Variants in PKD1L1 observed in about 807,000 individuals in gnomAD.
PKD1L1 encodes polycystin-1-like protein 1.
PKD1L1 carries 236 observed loss-of-function variants against 323.4 expected under a neutral mutation model. The observed-to-expected ratio is 0.73, with a 90% CI of 0.66 to 0.81. The LOEUF (loss-of-function observed/expected upper bound fraction) is 0.81. Among genes scored for constraint, PKD1L1 ranks in the 40% least tolerant of loss-of-function variants. The pLI is 0.00. For synonymous variants in PKD1L1, 1,344 were observed against 1,335.0 expected, an observed-to-expected ratio of 1.01 and a Z score of -0.15; for missense variants, 3,320 against 3,508.0, an observed-to-expected ratio of 0.95 and a Z score of 1.35.
intron 46 of PKD1L1, chr7:47,818,086 A>T (rs1287077594): frequency 7.3e-7 from 1 of 1,367,878 alleles, no homozygotes; most frequent in South Asian, 1.1e-5. Flanking sequence ...TCAAACTATC[A>T]AATGCAGAGC....
Position 47,808,294 on chromosome 7 carries a change from G to A in PKD1L1, c.7780C>T (p.Leu2594Phe). The stretch of plus-strand genomic sequence containing the variant: ...GTGAGGTCCATAAATGCTCGGCAAA[G>A]TCCTCTGTGAAACTGGTTAGTGACA... ...GDVTNQFHRG[L>F]CRAFMDLTLM... is the part of the protein sequence containing the mutation. Residue 2594 changes from leucine to phenylalanine, a missense_variant, in exon 52 of 57, where the codon CTT becomes TTT. Coordinates refer to ENST00000289672, the MANE Select transcript of PKD1L1 (RefSeq NM_138295.5). 6.2e-7 allele frequency: 1 copy of A among 1,614,124 alleles called. No homozygotes were observed. The highest frequency in any genetic ancestry group is 8.5e-7 in the Non-Finnish European group (1 of 1,180,024).
At chr7:47,938,913 C>A (rs1231343373) in intron 3 of PKD1L1, among the ~76,000 whole-genome samples, 2 of 152,174 alleles carry the variant, frequency 1.3e-5, no homozygotes, top group African/African-American at 4.8e-5. Context: ...GACTTTTAAG[C>A]TCCCTAGGTG....
intron 53 of PKD1L1, among the ~76,000 whole-genome samples, chr7:47,802,687 C>A (rs1443156320): frequency 6.6e-6 from 1 of 152,194 alleles, no homozygotes; most frequent in Admixed American, 6.5e-5. Context: ...AACAGCACCC[C>A]AGGAACTTCA....
At chr7:47,795,536 T>C (rs1032433198) in intron 55 of PKD1L1, 5 of 355,382 alleles carry the variant, frequency 1.4e-5, no homozygotes, top group East Asian at 8.1e-5. Context: ...ATGAAGAAAG[T>C]GAGTATTCAG....
In PKD1L1 at chr7:47,853,247, T is replaced by C; in HGVS notation, c.4860-20A>G. Reference sequence around the variant, plus strand: ...GAGAATCTAGGAGATAAAAACAAAATAGGGATTTCTCATTTTTTTCTTCTC... The same window carrying C: ...GAGAATCTAGGAGATAAAAACAAAACAGGGATTTCTCATTTTTTTCTTCTC... On this transcript the variant is annotated intron_variant, in intron 30 of 56. Coordinates refer to ENST00000289672, the MANE Select transcript of PKD1L1 (RefSeq NM_138295.5). 2 of 1,496,048 alleles carry C rather than the reference T, an allele frequency of 1.3e-6. No homozygotes were observed. The allele number at this position is 1,496,048 out of a possible 1,614,324, so 92.7% of individuals were successfully genotyped here.
At position 47,840,380 on chromosome 7, in the gene PKD1L1, T is replaced by C. The variant is rs1785541946; in HGVS notation, c.5552+81A>G. 2.1e-6 allele frequency: 2 copies of C among 947,622 alleles called. No individual in the cohort carries two copies. The highest frequency in any genetic ancestry group is 3.4e-6 in the Non-Finnish European group (2 of 592,916). 58.7% of individuals were successfully genotyped at this position (947,622 alleles called of 1,614,324 possible). The stretch of plus-strand genomic sequence containing the variant: ...TAGAGACCAATGTTATGTATTCTAC[T>C]GTTTTGTATTTGTGATAAGGTTACA... On this transcript the variant is annotated intron_variant, in intron 35 of 56. Transcript: ENST00000289672. The surrounding 1 kb of genome is among the most constrained non-coding windows in gnomAD (Gnocchi z 4.1).
In PKD1L1 at chr7:47,932,024, C is replaced by T. The variant is rs372170621; in HGVS notation, c.431G>A (p.Arg144Lys). Residue 144 changes from arginine (R) to lysine (K), a missense_variant, in exon 5 of 57, where the codon AGG (arginine) becomes AAG (lysine). By Grantham distance (26) the Arg-to-Lys change is conservative. Coordinates refer to ENST00000289672, the MANE Select transcript of PKD1L1 (RefSeq NM_138295.5). ...IPHKPFIIIA[R>K]AWSSGGPRFH... is the part of the protein sequence containing the mutation. ...CCTGGGGCCACCACTGCTCCAGGCC[C>T]TTGCGATTATAATGAAAGGTTTGTG... The T allele has an allele frequency of 1.2e-6, 2 of 1,613,322 alleles. No individual in the cohort carries two copies. Among genetic ancestry groups the T allele is most frequent in the African/African-American group, 1.3e-5 (1 of 74,994 alleles).
intron 17 of PKD1L1, among the ~76,000 whole-genome samples, chr7:47,886,924 A>T (rs1379181973): frequency 2.6e-5 from 4 of 152,224 alleles, no homozygotes; most frequent in Non-Finnish European, 4.4e-5. Context: ...CAAAGAAAAA[A>T]ATACCATGAG....
chr7:47,813,442 G>T, intron 48 of PKD1L1, 149 bp from the exon 49 acceptor site: 5 of 876,292 alleles, frequency 5.7e-6, no homozygotes, highest in Non-Finnish European at 9.2e-6. Flanking sequence ...TCTGCAGCCT[G>T]TTTCGTGGTC....
At chr7:47,918,264 A>C (rs575245421) in intron 7 of PKD1L1, among the ~76,000 whole-genome samples, 5 of 152,264 alleles carry the variant, frequency 3.3e-5, no homozygotes, top group African/African-American at 7.2e-5. Flanking sequence ...ATGATAAAAG[A>C]AGCACATTAT....
chr7:47,959,728 C>T, the PKD1L1 span, among the ~76,000 whole-genome samples: 1 of 143,926 alleles, frequency 6.9e-6, no homozygotes, highest in Non-Finnish European at 1.6e-5. Flanking sequence ...AGCCAGCCGC[C>T]CCGTCCGGGA....
intron 21 of PKD1L1, among the ~76,000 whole-genome samples, chr7:47,878,714 AG>A: frequency 6.6e-6 from 1 of 152,332 alleles, no homozygotes; most frequent in East Asian, 1.9e-4. Context: ...TGTGGGGAAA[AG>A]AATGGGCATT....
intron 37 of PKD1L1, among the ~76,000 whole-genome samples, 199 bp downstream of exon 37, chr7:47,836,722 T>G (rs539955495): frequency 6.6e-6 from 1 of 151,600 alleles, no homozygotes; most frequent in Non-Finnish European, 1.5e-5. Context: ...GCCAGCAGAG[T>G]CAGAGCTGTG....
chr7:47,867,612 TGAG>T (rs1428202677), intron 24 of PKD1L1, among the ~76,000 whole-genome samples: 1 of 152,200 alleles, frequency 6.6e-6, no homozygotes, highest in African/African-American at 2.4e-5. Flanking sequence ...AAACTGCCTA[TGAG>T]GAGACTCAGA....
intron 13 of PKD1L1, among the ~76,000 whole-genome samples, chr7:47,898,805 T>C (rs1787016240): frequency 6.6e-6 from 1 of 152,146 alleles, no homozygotes; most frequent in South Asian, 2.1e-4. Context: ...CTTAGTATAA[T>C]TTAAACCTAG....
At chr7:47,911,350 G>A (rs1181412618) in intron 8 of PKD1L1, among the ~76,000 whole-genome samples, 2 of 152,212 alleles carry the variant, frequency 1.3e-5, no homozygotes, top group South Asian at 4.1e-4. Context: ...CGTGCTTACT[G>A]TAAAACCTGC....
intron 48 of PKD1L1, 169 bp from the exon 49 acceptor site, chr7:47,813,462 T>C (rs957227105): frequency 1.4e-5 from 11 of 769,762 alleles, no homozygotes; most frequent in Non-Finnish European, 2.2e-5. Context: ...CTACAGACTC[T>C]AGCTCAAGCT....
At position 47,818,253 on chromosome 7, in the gene PKD1L1, G is replaced by A. The variant is rs1785064591; in HGVS notation, c.6966-2796C>T. Reference sequence around the variant, plus strand: ...CAAAGGAAAGGAAGAATGAGCCAGGGGGCACAGAGATGCAGTGAAAAGGGC... The same window carrying A: ...CAAAGGAAAGGAAGAATGAGCCAGGAGGCACAGAGATGCAGTGAAAAGGGC... On this transcript the variant is annotated intron_variant, in intron 46 of 56. Transcript: ENST00000289672. 7 of 1,271,262 alleles carry A rather than the reference G, an allele frequency of 5.5e-6. No individual in the cohort carries two copies. In the Admixed American group the frequency reaches 1.7e-4, roughly 31 times the overall value. The allele number at this position is 1,271,262 out of a possible 1,614,324, so 78.7% of individuals were successfully genotyped here.
In PKD1L1 at chr7:47,838,442, T is replaced by G. The variant is rs531501488; in HGVS notation, c.5769+1004A>C. Among the ~76,000 whole-genome samples the G allele has an allele frequency of 2.6e-5, 4 of 152,362 alleles. No homozygotes were observed. In the East Asian group the frequency reaches 5.8e-4, roughly 22 times the overall value. Reference sequence around the variant, plus strand: ...TCACACATGAAAGTTCCCACAATGTTGTCATTACCATAATAAATGAAAGAA... The same window carrying G: ...TCACACATGAAAGTTCCCACAATGTGGTCATTACCATAATAAATGAAAGAA... On this transcript the variant is annotated intron_variant, in intron 36 of 56. Transcript: ENST00000289672.
Sources: gnomAD v4.1 joint callset for allele counts (sites outside exome capture counted in the v4.1 genomes callset) on GRCh38, gnomAD v4.1.1 for gene constraint, Gnocchi (gnomAD v3.1) non-coding constraint, MANE v1.5 for transcripts, NCBI Gene and HGNC (gene_info 2026-07-23, HGNC 2026-07-21) for gene names.